The following DDAH1 variants were observed in gnomAD, a reference collection of about 807,000 sequenced individuals.
DDAH1 encodes dimethylarginine dimethylaminohydrolase 1.
DDAH1 carries 19 observed loss-of-function variants against 28.8 expected under a neutral mutation model. That is an observed-to-expected ratio of 0.66 (90% CI 0.46 to 0.97). DDAH1 has a LOEUF of 0.97. Among genes scored for constraint, DDAH1 ranks in the 50% least tolerant of loss-of-function variants. The pLI is 0.00. For missense variants in DDAH1, 326 were observed against 375.9 expected (o/e 0.87, Z 1.10); for synonymous variants, 153 against 154.4 (o/e 0.99, Z 0.07).
chr1:85,535,026 T>C (rs1658227457), intron 1 of DDAH1, among the ~76,000 whole-genome samples: 1 of 152,150 alleles, frequency 6.6e-6, no homozygotes, highest in Admixed American at 6.5e-5. Flanking sequence ...CTTTTTTTTT[T>C]TCCCGTGGAA....
chr1:85,560,828 A>C (rs1659116664), intron 1 of DDAH1, among the ~76,000 whole-genome samples: 1 of 152,108 alleles, frequency 6.6e-6, no homozygotes, highest in Non-Finnish European at 1.5e-5. Flanking sequence ...GAGAATCTTT[A>C]ATGTGTCTCT....
At chr1:85,436,102 C>A (rs1007715543) in intron 1 of DDAH1, among the ~76,000 whole-genome samples, 18 of 151,954 alleles carry the variant, frequency 1.2e-4, no homozygotes, top group African/African-American at 3.9e-4. Flanking sequence ...CGCCCAGCCA[C>A]TTATATCTGT....
At chr1:85,493,027 GC>G (rs1229452023) in intron 2 of DDAH1, among the ~76,000 whole-genome samples, 1 of 151,802 alleles carries the variant, frequency 6.6e-6, no homozygotes, top group Non-Finnish European at 1.5e-5. Context: ...GCCTTCATGG[GC>G]CCCTTCCTTC....
At position 85,321,388 on chromosome 1, in the gene DDAH1, G is replaced by A; in HGVS notation, c.*64C>T. The A allele has an allele frequency of 1.0e-6, 1 of 1,001,842 alleles. No homozygotes were observed. Among genetic ancestry groups the A allele is most frequent in the East Asian group, 2.4e-5 (1 of 41,964 alleles). 62.1% of individuals were successfully genotyped at this position (1,001,842 alleles called of 1,614,324 possible). A position where few individuals can be genotyped will look rare whatever the true frequency, so the allele number is the denominator to read the frequency against. On this transcript the variant is annotated 3_prime_UTR_variant, in exon 6 of 6. Coordinates refer to ENST00000284031, the MANE Select transcript of DDAH1 (RefSeq NM_012137.4). The stretch of plus-strand genomic sequence containing the variant: ...TAGATTGTCAAGGAAAACAACAGGA[G>A]TGGGCACAGAGTCATCGGCCTTGCC...
intron 2 of DDAH1, among the ~76,000 whole-genome samples, chr1:85,487,602 AT>A: frequency 6.6e-6 from 1 of 152,264 alleles, no homozygotes; most frequent in African/African-American, 2.4e-5. Context: ...AAAAAAGTAA[AT>A]TTTATTTATT....
intron 2 of DDAH1, among the ~76,000 whole-genome samples, chr1:85,353,132 G>A (rs1003886561): frequency 1.6e-4 from 25 of 151,992 alleles, no homozygotes; most frequent in African/African-American, 6.0e-4. Flanking sequence ...ATTCTTATTT[G>A]ACTTTTCTGA....
At chr1:85,412,909 G>T (rs904722219) in intron 1 of DDAH1, among the ~76,000 whole-genome samples, 8 of 152,282 alleles carry the variant, frequency 5.3e-5, no homozygotes, top group Middle Eastern at 6.8e-3. Flanking sequence ...ACTGAGGTGG[G>T]AGGACTGATT....
intron 1 of DDAH1, among the ~76,000 whole-genome samples, chr1:85,546,131 C>CAA (rs111839145): frequency 0.12 from 16,422 of 135,930 alleles, 928 homozygotes; most frequent in East Asian, 0.15. Flanking sequence ...AATGTGTCTC[C>CAA]AAAAAAAAAA....
chr1:85,556,402 T>A (rs1437406356), intron 1 of DDAH1, among the ~76,000 whole-genome samples: 1 of 152,206 alleles, frequency 6.6e-6, no homozygotes, highest in Non-Finnish European at 1.5e-5. Context: ...CTTGAAAATG[T>A]ACCCAAAGCA....
At chr1:85,473,898 A>C (rs1655707759) in intron 2 of DDAH1, among the ~76,000 whole-genome samples, 1 of 152,202 alleles carries the variant, frequency 6.6e-6, no homozygotes, top group Non-Finnish European at 1.5e-5. Flanking sequence ...CCCAGTGCCA[A>C]CATGGCTCAA....
At chr1:85,462,084 G>A (rs867795112) in intron 1 of DDAH1, among the ~76,000 whole-genome samples, 3 of 152,172 alleles carry the variant, frequency 2.0e-5, no homozygotes, top group Admixed American at 6.5e-5. Context: ...ATCTGGTATG[G>A]TGTATGGCAA....
At chr1:85,555,056 T>C (rs574251071) in intron 1 of DDAH1, among the ~76,000 whole-genome samples, 1 of 152,236 alleles carries the variant, frequency 6.6e-6, no homozygotes, top group Non-Finnish European at 1.5e-5. Context: ...CATTTTTCAG[T>C]AGTTTATCTG....
At chr1:85,359,803 G>A (rs1649691318) in intron 1 of DDAH1, among the ~76,000 whole-genome samples, 1 of 152,138 alleles carries the variant, frequency 6.6e-6, no homozygotes, top group Non-Finnish European at 1.5e-5. Context: ...TGATTCCAGG[G>A]CATGTCTAAA....
At chr1:85,372,577 G>A (rs1650441038) in intron 1 of DDAH1, among the ~76,000 whole-genome samples, 1 of 151,610 alleles carries the variant, frequency 6.6e-6, no homozygotes, top group African/African-American at 2.4e-5. Flanking sequence ...TGCCATTATA[G>A]TTTTTTTCTC....
At chr1:85,465,175 C>T, upstream of DDAH1, 1 of 1,143,288 alleles carries the variant, frequency 8.7e-7, no homozygotes, top group Non-Finnish European at 1.1e-6. Flanking sequence ...AGAAGGAGCC[C>T]AGCTCGCGCC....
rs374519871 is a variant in DDAH1, at chr1:85,385,156, T to C, written c.304-26309A>G. 1.5e-4 allele frequency among the ~76,000 whole-genome samples: 23 copies of C among 152,316 alleles called. No homozygotes were observed. In the East Asian group the frequency reaches 1.9e-3, roughly 13 times the overall value. ...CCTCTGCAATATCTATTTAAGCTTT[T>C]GAGTAAGACAGACTTGGTCTGCCAG... On this transcript the variant is annotated intron_variant, in intron 1 of 5. Transcript: ENST00000284031.
At chr1:85,465,545 T>A (rs1290847835), upstream of DDAH1, among the ~76,000 whole-genome samples, 1 of 152,208 alleles carries the variant, frequency 6.6e-6, no homozygotes, top group African/African-American at 2.4e-5. Context: ...AAACCTTGCG[T>A]GCTTACAAAG....
At chr1:85,489,703 AG>A (rs1485969656) in intron 2 of DDAH1, among the ~76,000 whole-genome samples, 1 of 152,042 alleles carries the variant, frequency 6.6e-6, no homozygotes, top group Non-Finnish European at 1.5e-5. Flanking sequence ...GAATGGTTAA[AG>A]GGAGAGGAGG....
intron 4 of DDAH1, among the ~76,000 whole-genome samples, chr1:85,332,694 C>A (rs1316580127): frequency 6.6e-6 from 1 of 152,188 alleles, no homozygotes; most frequent in African/African-American, 2.4e-5. Flanking sequence ...ATATGCATGC[C>A]ATCAGGGGGC....
Sources: allele counts gnomAD v4.1 joint callset (sites outside exome capture counted in the v4.1 genomes callset), GRCh38; gene constraint gnomAD v4.1.1; transcripts MANE v1.5; gene names NCBI Gene and HGNC (gene_info 2026-07-23, HGNC 2026-07-21).